DLGAP1: variants seen among roughly 807,000 people sequenced by gnomAD.
DLGAP1 encodes DLG associated protein 1.
A neutral mutation model predicts 90.8 loss-of-function variants in DLGAP1; 11 were observed. That is an observed-to-expected ratio of 0.12 (90% CI 0.08 to 0.20). The LOEUF (loss-of-function observed/expected upper bound fraction) is 0.20, where lower values mean the gene tolerates loss of function less well. DLGAP1 is among the 10% of genes least tolerant of loss of function. DLGAP1 has a pLI of 1.00. For synonymous variants in DLGAP1, 558 were observed against 540.7 expected, an observed-to-expected ratio of 1.03 and a Z score of -0.44; for missense variants, 1,050 against 1,333.8, an observed-to-expected ratio of 0.79 and a Z score of 3.31.
chr18:4,208,361 T>G (rs1238814439), intron 1 of DLGAP1, among the ~76,000 whole-genome samples: 1 of 152,188 alleles, frequency 6.6e-6, no homozygotes, highest in African/African-American at 2.4e-5. Context: ...TAAATTTGCA[T>G]GAAATAATAG....
rs1047931945 is a variant in DLGAP1 at position 4,028,073 on chromosome 18, T to C, written c.-158-22872A>G. 3.2e-4 allele frequency among the ~76,000 whole-genome samples: 48 copies of C among 152,348 alleles called. No homozygotes were observed. The East Asian group carries it at 8.7e-3, about 28-fold the overall frequency. On this transcript the variant is annotated intron_variant, in intron 2 of 12. Coordinates refer to ENST00000315677, the MANE Select transcript of DLGAP1 (RefSeq NM_004746.4). ...TTTGCTAGAAATGGCTGTAAAGTGC[T>C]ACCAAGTAGAAAAATCTAGAAACAA...
intron 5 of DLGAP1, among the ~76,000 whole-genome samples, chr18:3,809,515 G>A (rs2066726125): frequency 6.6e-6 from 1 of 152,156 alleles, no homozygotes; most frequent in Non-Finnish European, 1.5e-5. Context: ...AAATCTTCCT[G>A]AAGCCTTTTG....
intron 7 of DLGAP1, among the ~76,000 whole-genome samples, chr18:3,646,878 T>TGG (rs2059139231): frequency 1.3e-5 from 2 of 151,952 alleles, no homozygotes; most frequent in Non-Finnish European, 2.9e-5. Context: ...TGAGCCAAGA[T>TGG]CGAACTACTG....
At chr18:3,832,668 CTTTTTTT>C (rs531665859) in intron 4 of DLGAP1, among the ~76,000 whole-genome samples, 4 of 142,628 alleles carry the variant, frequency 2.8e-5, no homozygotes, top group African/African-American at 5.1e-5. Context: ...AGAGAACCTT[CTTTTTTT>C]TTTTTTCCCA....
intron 1 of DLGAP1, among the ~76,000 whole-genome samples, chr18:4,286,204 T>C (rs1417228793): frequency 3.9e-5 from 6 of 152,078 alleles, no homozygotes; most frequent in Non-Finnish European, 7.4e-5. Context: ...AACAGTATTA[T>C]ATGGTAGAGG....
Position 4,084,954 on chromosome 18 carries a change from A to G in DLGAP1, c.-159+66226T>C, listed in dbSNP as rs1333053476. On this transcript the variant is annotated intron_variant, in intron 2 of 12. Transcript: ENST00000315677. The surrounding 1 kb of genome is among the most constrained non-coding windows in gnomAD (Gnocchi z 4.0). ...TCAAAGAGAGCATGCTGCAAGGAGC[A>G]GGCATCGTCCAGGATGGTTAATGGG... Among the ~76,000 whole-genome samples, 1 of 91,336 alleles carries G rather than the reference A, an allele frequency of 1.1e-5. No individual in the cohort carries two copies. The highest frequency in any genetic ancestry group is 2.6e-5 in the Non-Finnish European group (1 of 38,194). The allele number at this position is 91,336 out of a possible 152,430, so 59.9% of individuals were successfully genotyped here. A position where few individuals can be genotyped will look rare whatever the true frequency, so the allele number is the denominator to read the frequency against.
intron 5 of DLGAP1, among the ~76,000 whole-genome samples, chr18:3,744,374 C>T (rs1210561643): frequency 6.6e-6 from 1 of 151,662 alleles, no homozygotes; most frequent in Non-Finnish European, 1.5e-5. Flanking sequence ...ATAAAATACA[C>T]AGAAATTACA....
At chr18:3,710,865 A>G (rs1668188618) in intron 7 of DLGAP1, among the ~76,000 whole-genome samples, 1 of 152,178 alleles carries the variant, frequency 6.6e-6, no homozygotes, top group Admixed American at 6.5e-5. Flanking sequence ...CCAGAGCCCT[A>G]AGGCAGGAAC....
At chr18:4,023,263 T>G (rs751730700) in intron 2 of DLGAP1, among the ~76,000 whole-genome samples, 41 of 152,222 alleles carry the variant, frequency 2.7e-4, no homozygotes, top group Non-Finnish European at 3.4e-4. Flanking sequence ...TCTTTAGGTT[T>G]TCTTTCTTTT....
Position 3,562,711 on chromosome 18 carries a change from AT to A in DLGAP1, c.2057+4778del, listed in dbSNP as rs112224743. ...AGACACGCGCCACCACGCCTGGTTA[AT>A]TTTTTTTTTTTTTGAGACTAAGTCT... On this transcript the variant is annotated intron_variant, in intron 9 of 12. Transcript: ENST00000315677. 7.9e-3 allele frequency among the ~76,000 whole-genome samples: 1,137 copies of A among 143,628 alleles called. 10 individuals carry two copies. Among genetic ancestry groups the A allele is most frequent in the African/African-American group, 0.026 (1,007 of 38,820 alleles). The allele number at this position is 143,628 out of a possible 152,430, so 94.2% of individuals were successfully genotyped here.
At chr18:4,141,212 A>C (rs2076489699) in intron 2 of DLGAP1, among the ~76,000 whole-genome samples, 1 of 151,958 alleles carries the variant, frequency 6.6e-6, no homozygotes, top group African/African-American at 2.4e-5. Flanking sequence ...TTGTAGGTAT[A>C]CTTCATTCTT....
chr18:3,586,491 C>CT (rs974231819), intron 7 of DLGAP1, among the ~76,000 whole-genome samples: 70 of 146,850 alleles, frequency 4.8e-4, no homozygotes, highest in South Asian at 1.3e-3. Flanking sequence ...TTCATGACTG[C>CT]TTTTTTTTTT....
intron 1 of DLGAP1, among the ~76,000 whole-genome samples, chr18:4,284,989 C>A (rs1290000884): frequency 1.3e-5 from 2 of 152,140 alleles, no homozygotes; most frequent in Non-Finnish European, 2.9e-5. Flanking sequence ...AAAGCTTGCA[C>A]TAGGAAAGAT....
intron 10 of DLGAP1, among the ~76,000 whole-genome samples, chr18:3,533,264 A>G (rs555734408): frequency 3.9e-5 from 6 of 152,342 alleles, no homozygotes; most frequent in African/African-American, 1.4e-4. Flanking sequence ...AAAAAGAAAG[A>G]AAAGAATAGT....
chr18:3,622,125 T>A (rs2058114984), intron 7 of DLGAP1, among the ~76,000 whole-genome samples: 1 of 151,284 alleles, frequency 6.6e-6, no homozygotes, highest in Non-Finnish European at 1.5e-5. Flanking sequence ...TTTTTTTTGA[T>A]ATGGAGTCTC....
chr18:3,683,563 G>A (rs1598339408), intron 7 of DLGAP1, among the ~76,000 whole-genome samples: 4 of 152,276 alleles, frequency 2.6e-5, no homozygotes, highest in Admixed American at 2.6e-4. Context: ...AACCAAGGAT[G>A]AAATAATAAG....
rs566448667 is a variant in DLGAP1 at position 4,013,787 on chromosome 18, T to G, written c.-158-8586A>C. 2.0e-5 allele frequency: 3 copies of G among 152,342 alleles called. No individual in the cohort carries two copies. The East Asian group carries it at 5.8e-4, about 29-fold the overall frequency. The allele number at this position is 152,342 out of a possible 1,614,324, so 9.4% of individuals were successfully genotyped here. On this transcript the variant is annotated intron_variant, in intron 2 of 12. Coordinates refer to ENST00000315677, the MANE Select transcript of DLGAP1 (RefSeq NM_004746.4). ...TATCTGATGGTAACTATTAAATATT[T>G]AAAAGTAACTTTAATGAATCTACTT...
intron 1 of DLGAP1, among the ~76,000 whole-genome samples, chr18:4,377,499 G>C (rs1248929591): frequency 1.3e-5 from 2 of 152,122 alleles, no homozygotes; most frequent in Non-Finnish European, 2.9e-5. Context: ...ATCTCACTGA[G>C]ATGAATAATA....
At chr18:4,306,460 TGTGAGA>T (rs772113315) in intron 1 of DLGAP1, among the ~76,000 whole-genome samples, 2 of 51,502 alleles carry the variant, frequency 3.9e-5, no homozygotes, top group East Asian at 7.9e-4. Context: ...TGTGTGTGTG[TGTGAGA>T]GAGAGAGAGA....
Sources: gnomAD v4.1 joint callset for allele counts (sites outside exome capture counted in the v4.1 genomes callset) on GRCh38, gnomAD v4.1.1 for gene constraint, Gnocchi (gnomAD v3.1) non-coding constraint, MANE v1.5 for transcripts, NCBI Gene and HGNC (gene_info 2026-07-23, HGNC 2026-07-21) for gene names.